Variants in PTPRN2 observed in about 807,000 individuals in gnomAD.
The protein encoded by PTPRN2 is protein tyrosine phosphatase receptor type N2.
PTPRN2 carries 74 observed loss-of-function variants against 118.8 expected under a neutral mutation model. The observed-to-expected ratio is 0.62, with a 90% confidence interval of 0.52 to 0.76. PTPRN2 has a LOEUF of 0.76. PTPRN2 is among the 30% of genes least tolerant of loss of function. PTPRN2 has a pLI of 0.00. For synonymous variants in PTPRN2, 641 were observed against 608.0 expected (o/e 1.05, Z -0.80); for missense variants, 1,481 against 1,394.4 (o/e 1.06, Z -0.99).
chr7:157,791,423 T>A (rs998234175), intron 12 of PTPRN2, among the ~76,000 whole-genome samples: 2 of 152,248 alleles, frequency 1.3e-5, no homozygotes, highest in Admixed American at 6.5e-5. Flanking sequence ...GAGCGGCCGC[T>A]GGGCTTGGCT....
chr7:158,470,728 C>T (rs182416156), intron 2 of PTPRN2, among the ~76,000 whole-genome samples: 41 of 152,260 alleles, frequency 2.7e-4, no homozygotes, highest in Non-Finnish European at 5.0e-4. Flanking sequence ...AAGAGGGGGT[C>T]GGAGCATTCA....
At chr7:157,551,952 ACCCACAGCCACCACGCAC>A (rs1798652727) in intron 21 of PTPRN2, among the ~76,000 whole-genome samples, 2 of 28,226 alleles carry the variant, frequency 7.1e-5, no homozygotes, top group Non-Finnish European at 1.4e-4. Context: ...CCACCACACA[ACCCACAGCCACCACGCAC>A]CCCACAGCCA....
intron 2 of PTPRN2, among the ~76,000 whole-genome samples, chr7:158,443,630 G>A (rs1433441628): frequency 1.3e-5 from 2 of 152,108 alleles, no homozygotes; most frequent in East Asian, 1.9e-4. Flanking sequence ...GGGGAGCGGC[G>A]TGGGGCAAAT....
chr7:158,020,486 TG>T (rs1170323098), intron 11 of PTPRN2, among the ~76,000 whole-genome samples: 1 of 152,056 alleles, frequency 6.6e-6, no homozygotes, highest in Non-Finnish European at 1.5e-5. Flanking sequence ...GGCACAGAAG[TG>T]GGGTTTGGCC....
rs1486181185 is a variant in PTPRN2 at position 157,779,215 on chromosome 7, CT to C, written c.1789-96279del. Among the ~76,000 whole-genome samples, 1 of 152,204 alleles carries C rather than the reference CT, an allele frequency of 6.6e-6. No homozygotes were observed. The highest frequency in any genetic ancestry group is 1.5e-5 in the Non-Finnish European group (1 of 68,034). ...ACACGGCTTATCTCCTGGAGGAGGG[CT>C]GCCTCCTTGCCATGGGAGCCCCGCC... On this transcript the variant is annotated intron_variant, in intron 12 of 22. Transcript: ENST00000389418. This position sits in a 1 kb window ranked among gnomAD's most constrained non-coding sequence, Gnocchi z 4.7.
intron 3 of PTPRN2, among the ~76,000 whole-genome samples, chr7:158,274,976 G>A (rs2150980977): frequency 6.6e-6 from 1 of 152,308 alleles, no homozygotes; most frequent in Non-Finnish European, 1.5e-5. Context: ...TCAACTCCTG[G>A]GGCGTAGCAG....
chr7:158,311,416 T>C lies in PTPRN2; in HGVS notation c.277+5403A>G, dbSNP rs375086668. Among the ~76,000 whole-genome samples, 27 of 151,458 alleles carry C rather than the reference T, an allele frequency of 1.8e-4. 2 individuals are homozygous for C. Among genetic ancestry groups the C allele is most frequent in the Admixed American group, 9.9e-4 (15 of 15,184 alleles). On this transcript the variant is annotated intron_variant, in intron 3 of 22. Transcript: ENST00000389418. ...GCAAATTGCATGCCAACGAGTGACA[T>C]TTAAATGCTGAATTTTAATGGCTTG...
intron 1 of PTPRN2, among the ~76,000 whole-genome samples, chr7:158,523,514 G>C (rs371248461): frequency 2.1e-4 from 17 of 79,668 alleles, no homozygotes; most frequent in Admixed American, 9.5e-4. Flanking sequence ...GAGTGGAGTC[G>C]TCTGCCCTGG....
chr7:158,063,141 T>C (rs2128908683), intron 11 of PTPRN2, among the ~76,000 whole-genome samples: 1 of 152,232 alleles, frequency 6.6e-6, no homozygotes, highest in East Asian at 1.9e-4. Context: ...CAATCAGCAC[T>C]CTGTGTCTAG....
In PTPRN2 at chr7:158,134,546, C is replaced by T. The variant is rs78924017; in HGVS notation, c.1174-487G>A. Among the ~76,000 whole-genome samples, 106 of 152,298 alleles carry T rather than the reference C, an allele frequency of 7.0e-4. 1 individual carries two copies. In the East Asian group the frequency reaches 0.02, roughly 29 times the overall value. ...TCTGCATGAACACACTGAGTCCTCACGTAAGCCTGTGGGTGGGGCACCCTC... is the reference window on the plus strand; with the variant it reads ...TCTGCATGAACACACTGAGTCCTCATGTAAGCCTGTGGGTGGGGCACCCTC... On this transcript the variant is annotated intron_variant, in intron 8 of 22. Transcript: ENST00000389418.
rs762918322 is a variant in PTPRN2, at chr7:157,560,521, G to A, written c.2902+8381C>T. On this transcript the variant is annotated intron_variant, in intron 21 of 22. Coordinates refer to ENST00000389418, the MANE Select transcript of PTPRN2 (RefSeq NM_002847.5). This position sits in a 1 kb window ranked among gnomAD's most constrained non-coding sequence, Gnocchi z 6.7. Reference sequence around the variant, plus strand: ...TCGTCAGCCCCTTACACGGGACAGGGCACTGCAGACCGGCCCGGGAACCTG... The same window carrying A: ...TCGTCAGCCCCTTACACGGGACAGGACACTGCAGACCGGCCCGGGAACCTG... Among the ~76,000 whole-genome samples, 5 of 152,150 alleles carry A rather than the reference G, an allele frequency of 3.3e-5. No homozygotes were observed. Among genetic ancestry groups the A allele is most frequent in the Non-Finnish European group, 5.9e-5 (4 of 68,000 alleles).
chr7:157,893,814 C>T lies in PTPRN2; in HGVS notation c.1788+4859G>A, dbSNP rs563015528. Among the ~76,000 whole-genome samples, 3 of 152,228 alleles carry T rather than the reference C, an allele frequency of 2.0e-5. No homozygotes were observed. The highest frequency in any genetic ancestry group is 2.1e-4 in the South Asian group (1 of 4,824). ...GTGAGTTCCCCACAGGAGACAGCAC[C>T]GGCAGAAAGGAGGAGGGAGCCAGGC... On this transcript the variant is annotated intron_variant, in intron 12 of 22. Transcript: ENST00000389418. This position sits in a 1 kb window ranked among gnomAD's most constrained non-coding sequence, Gnocchi z 4.0.
At chr7:158,421,322 T>C (rs1563273431) in intron 2 of PTPRN2, among the ~76,000 whole-genome samples, 1 of 152,262 alleles carries the variant, frequency 6.6e-6, no homozygotes, top group Non-Finnish European at 1.5e-5. Flanking sequence ...CATGTAAGGC[T>C]GAGTTTGTTT....
chr7:157,871,256 C>T (rs1811027800), intron 12 of PTPRN2, among the ~76,000 whole-genome samples: 1 of 152,162 alleles, frequency 6.6e-6, no homozygotes. Context: ...AAACACAGAT[C>T]CTTGGGCCCT....
rs867648729 is a variant in PTPRN2, at chr7:157,987,492, C to T, written c.1724-88755G>A. On this transcript the variant is annotated intron_variant, in intron 11 of 22. Coordinates refer to ENST00000389418, the MANE Select transcript of PTPRN2 (RefSeq NM_002847.5). The surrounding 1 kb of genome is among the most constrained non-coding windows in gnomAD (Gnocchi z 4.3). Reference sequence around the variant, plus strand: ...TCCGGTCACTAATAGGGTGTGATGACCTGTCAGTCATTATCTCTTGCATAA... The same window carrying T: ...TCCGGTCACTAATAGGGTGTGATGATCTGTCAGTCATTATCTCTTGCATAA... 3.3e-5 allele frequency among the ~76,000 whole-genome samples: 5 copies of T among 152,174 alleles called. No homozygotes were observed. The highest frequency in any genetic ancestry group is 6.8e-3 in the Middle Eastern group (2 of 294).
chr7:157,675,624 G>A (rs556289669), intron 13 of PTPRN2, among the ~76,000 whole-genome samples: 42 of 152,228 alleles, frequency 2.8e-4, no homozygotes, highest in Non-Finnish European at 5.3e-4. Flanking sequence ...CGAGGAGGAA[G>A]TGTGCGGAAA....
At chr7:158,010,247 C>T (rs181549254) in intron 11 of PTPRN2, among the ~76,000 whole-genome samples, 307 of 152,250 alleles carry the variant, frequency 2.0e-3, no homozygotes, top group Non-Finnish European at 3.5e-3. Context: ...CCTCCAGGTC[C>T]GTCCTTTCCT....
intron 3 of PTPRN2, among the ~76,000 whole-genome samples, chr7:158,286,488 T>C (rs1195752204): frequency 6.6e-6 from 1 of 152,226 alleles, no homozygotes; most frequent in East Asian, 1.9e-4. Context: ...TCTGTGAGTT[T>C]GTCATATATG....
chr7:158,071,762 C>CGTGGTGGTGGAGGTGCTT (rs1563393356), intron 11 of PTPRN2, among the ~76,000 whole-genome samples: 1,082 of 80,526 alleles, frequency 0.013, 169 homozygotes, highest in African/African-American at 0.086. Flanking sequence ...TGGAGGTGCT[C>CGTGGTGGTGGAGGTGCTT]GTGGTGATGG....
Sources: gnomAD v4.1 joint callset for allele counts (sites outside exome capture counted in the v4.1 genomes callset) on GRCh38, gnomAD v4.1.1 for gene constraint, Gnocchi (gnomAD v3.1) non-coding constraint, MANE v1.5 for transcripts, NCBI Gene and HGNC (gene_info 2026-07-23, HGNC 2026-07-21) for gene names.